The following ATAD1 variants were observed in gnomAD, a reference collection of about 807,000 sequenced individuals.
The protein encoded by ATAD1 is outer mitochondrial transmembrane helix translocase.
A neutral mutation model predicts 42.7 loss-of-function variants in ATAD1; 18 were observed. The ratio of observed to expected loss-of-function variants is 0.42; its 90% CI spans 0.29 to 0.63. The LOEUF (loss-of-function observed/expected upper bound fraction) is 0.63, where lower values mean the gene tolerates loss of function less well. ATAD1 is among the 20% of genes least tolerant of loss of function. The pLI, the probability that ATAD1 is intolerant of heterozygous loss-of-function variation, is 0.19. For synonymous variants in ATAD1, 132 were observed against 143.1 expected, an observed-to-expected ratio of 0.92 and a Z score of 0.55; for missense variants, 294 against 440.4, an observed-to-expected ratio of 0.67 and a Z score of 2.98.
At chr10:87,840,440 G>A (rs761084129) in intron 1 of ATAD1, among the ~76,000 whole-genome samples, 3 of 152,126 alleles carry the variant, frequency 2.0e-5, no homozygotes, top group Non-Finnish European at 4.4e-5. Context: ...AGCCATGATT[G>A]CGCCATTGCA....
intron 4 of ATAD1, among the ~76,000 whole-genome samples, chr10:87,787,378 G>A (rs183672424): frequency 6.6e-6 from 1 of 152,174 alleles, no homozygotes; most frequent in Non-Finnish European, 1.5e-5. Flanking sequence ...TCAACACTTT[G>A]GGATGCTGAG....
intron 4 of ATAD1, among the ~76,000 whole-genome samples, chr10:87,787,254 A>G (rs1227455240): frequency 6.6e-6 from 1 of 152,214 alleles, no homozygotes; most frequent in South Asian, 2.1e-4. Flanking sequence ...GAGGCTTAAA[A>G]ATTTAAACTC....
upstream of ATAD1, among the ~76,000 whole-genome samples, chr10:87,819,681 AG>A (rs1452961895): frequency 2.6e-5 from 4 of 152,314 alleles, no homozygotes; most frequent in African/African-American, 9.6e-5. Flanking sequence ...AACTTTTCTA[AG>A]TTCATATACT....
chr10:87,808,305 GAAGTAAACA>G (rs369848560), intron 2 of ATAD1, among the ~76,000 whole-genome samples: 52 of 118,090 alleles, frequency 4.4e-4, no homozygotes, highest in African/African-American at 1.4e-3. Flanking sequence ...AGTAAACAAA[GAAGTAAACA>G]AAGTAAACAA....
At chr10:87,837,357 TTCAATG>T (rs1015536660) in intron 1 of ATAD1, among the ~76,000 whole-genome samples, 3 of 152,224 alleles carry the variant, frequency 2.0e-5, no homozygotes, top group Non-Finnish European at 4.4e-5. Context: ...CAGTTGTAGT[TTCAATG>T]TCAATTCTGT....
intron 8 of ATAD1, among the ~76,000 whole-genome samples, chr10:87,765,665 A>C (rs1854708021): frequency 6.6e-6 from 1 of 152,228 alleles, no homozygotes. Context: ...TCACAGAAAA[A>C]AATTCAAATG....
chr10:87,781,534 T>C (rs1310472402), intron 5 of ATAD1, among the ~76,000 whole-genome samples: 1 of 152,202 alleles, frequency 6.6e-6, no homozygotes, highest in Admixed American at 6.5e-5. Context: ...GCTATCCTAA[T>C]TTCGAAGATG....
chr10:87,815,404 CT>C (rs1378857698), intron 1 of ATAD1, among the ~76,000 whole-genome samples: 1 of 151,984 alleles, frequency 6.6e-6, no homozygotes, highest in Non-Finnish European at 1.5e-5. Flanking sequence ...GAAGAATAAG[CT>C]TGTTAGGGAT....
At chr10:87,790,155 G>C (rs1233733530) in intron 4 of ATAD1, among the ~76,000 whole-genome samples, 155 bp downstream of exon 4, 1 of 152,164 alleles carries the variant, frequency 6.6e-6, no homozygotes, top group African/African-American at 2.4e-5. Flanking sequence ...AATTTCAGAA[G>C]CTGAAGAATG....
intron 1 of ATAD1, among the ~76,000 whole-genome samples, chr10:87,828,286 CAA>C (rs749052113): frequency 5.3e-5 from 8 of 152,132 alleles, no homozygotes; most frequent in Non-Finnish European, 1.0e-4. Context: ...AAAGGAAATT[CAA>C]AGTGTTACTC....
At chr10:87,779,017 T>C (rs1244395331) in intron 5 of ATAD1, among the ~76,000 whole-genome samples, 1 of 152,188 alleles carries the variant, frequency 6.6e-6, no homozygotes, top group African/African-American at 2.4e-5. Context: ...AATGTGTAAG[T>C]TGGACTTAAA....
chr10:87,778,700 G>A (rs1855429083), intron 5 of ATAD1, among the ~76,000 whole-genome samples: 1 of 151,972 alleles, frequency 6.6e-6, no homozygotes, highest in Non-Finnish European at 1.5e-5. Flanking sequence ...TTTGTATCTT[G>A]GATTTTTGGA....
chr10:87,786,967 A>C (rs1444139295), intron 4 of ATAD1, among the ~76,000 whole-genome samples: 1 of 152,204 alleles, frequency 6.6e-6, no homozygotes, highest in African/African-American at 2.4e-5. Flanking sequence ...AAAAAAAAAA[A>C]AGTTACACTA....
chr10:87,814,664 T>A, intron 1 of ATAD1, 52 bp from the exon 2 acceptor site: 1 of 1,316,260 alleles, frequency 7.6e-7, no homozygotes, highest in Admixed American at 3.1e-5. Flanking sequence ...CTTATTAAAA[T>A]TGTAAGACTA....
chr10:87,828,700 G>A (rs1233689248), intron 1 of ATAD1, among the ~76,000 whole-genome samples: 1 of 152,200 alleles, frequency 6.6e-6, no homozygotes, highest in African/African-American at 2.4e-5. Flanking sequence ...TTTATAGCTA[G>A]TGAAGACAAG....
At chr10:87,788,885 G>C (rs1277316416) in intron 4 of ATAD1, among the ~76,000 whole-genome samples, 1 of 151,990 alleles carries the variant, frequency 6.6e-6, no homozygotes, top group African/African-American at 2.4e-5. Context: ...TTTTTTTGCG[G>C]CAGGGGGGAA....
intron 2 of ATAD1, among the ~76,000 whole-genome samples, chr10:87,802,950 A>C (rs1027776787): frequency 6.6e-6 from 1 of 152,004 alleles, no homozygotes; most frequent in African/African-American, 2.4e-5. Flanking sequence ...CATTTTTCCT[A>C]ATTTGGAGTC....
Position 87,761,258 on chromosome 10 carries a change from T to C in ATAD1, c.832-4336A>G, listed in dbSNP as rs35473624. Among the ~76,000 whole-genome samples, 395 of 152,302 alleles carry C rather than the reference T, an allele frequency of 2.6e-3. 2 individuals carry two copies. The highest frequency in any genetic ancestry group is 6.8e-3 in the Middle Eastern group (2 of 294). ...CATATAAATACCAACCAGTGGGAAA[T>C]GACGAGATGTTCTCATGTCAGCAAT... On this transcript the variant is annotated intron_variant, in intron 8 of 9. Transcript: ENST00000680024.
intron 1 of ATAD1, among the ~76,000 whole-genome samples, chr10:87,839,608 TG>T (rs1029859120): frequency 1.3e-5 from 2 of 152,180 alleles, no homozygotes; most frequent in Non-Finnish European, 2.9e-5. Context: ...TTGTCTCAAG[TG>T]GGACGAAGAC....
Sources: gnomAD v4.1 joint callset for allele counts (sites outside exome capture counted in the v4.1 genomes callset) on GRCh38, gnomAD v4.1.1 for gene constraint, MANE v1.5 for transcripts, NCBI Gene and HGNC (gene_info 2026-07-23, HGNC 2026-07-21) for gene names.